The following AGBL4 variants were observed in gnomAD, a reference collection of about 807,000 sequenced individuals.
AGBL4 encodes the protein cytosolic carboxypeptidase 6.
A neutral mutation model predicts 66.4 loss-of-function variants in AGBL4; 58 were observed. The observed-to-expected ratio is 0.87, with a 90% CI of 0.71 to 1.09. The LOEUF (loss-of-function observed/expected upper bound fraction) is 1.09, where lower values mean the gene tolerates loss of function less well. AGBL4 is among the 50% of genes least tolerant of loss of function. The pLI is 0.00. For synonymous variants in AGBL4, 234 were observed against 222.9 expected, an observed-to-expected ratio of 1.05 and a Z score of -0.44; for missense variants, 579 against 631.0, an observed-to-expected ratio of 0.92 and a Z score of 0.88.
intron 6 of AGBL4, among the ~76,000 whole-genome samples, chr1:48,823,764 C>T (rs954602594): frequency 6.6e-6 from 1 of 152,210 alleles, no homozygotes; most frequent in African/African-American, 2.4e-5. Context: ...AAATATGGAA[C>T]AGAAGAGGTA....
intron 3 of AGBL4, among the ~76,000 whole-genome samples, chr1:49,626,768 A>C (rs2124332849): frequency 6.6e-6 from 1 of 152,200 alleles, no homozygotes; most frequent in African/African-American, 2.4e-5. Context: ...GAAAATATAT[A>C]GTGCCTTGTG....
chr1:49,557,289 C>T (rs950773599), intron 3 of AGBL4, among the ~76,000 whole-genome samples: 3 of 152,086 alleles, frequency 2.0e-5, no homozygotes, highest in Non-Finnish European at 4.4e-5. Context: ...TAACAACTAT[C>T]TACAAAAAAA....
At chr1:49,019,263 CA>C (rs1272491480) in intron 5 of AGBL4, among the ~76,000 whole-genome samples, 1 of 152,114 alleles carries the variant, frequency 6.6e-6, no homozygotes, top group Non-Finnish European at 1.5e-5. Context: ...AAGAGACTTC[CA>C]GGGGTTTCAG....
chr1:49,939,517 GGAACA>G (rs1654507784), intron 1 of AGBL4, among the ~76,000 whole-genome samples: 1 of 151,500 alleles, frequency 6.6e-6, no homozygotes, highest in Non-Finnish European at 1.5e-5. Flanking sequence ...ATAGATCAAT[GGAACA>G]GAACAGAGCC....
At chr1:49,767,716 CAAAG>C (rs976141742) in intron 2 of AGBL4, among the ~76,000 whole-genome samples, 28 of 151,884 alleles carry the variant, frequency 1.8e-4, no homozygotes, top group Admixed American at 7.9e-4. Context: ...GCTAGACTAA[CAAAG>C]AAAGAAGACA....
At chr1:49,157,317 G>A (rs1646452413) in intron 4 of AGBL4, among the ~76,000 whole-genome samples, 1 of 151,194 alleles carries the variant, frequency 6.6e-6, no homozygotes, top group Non-Finnish European at 1.5e-5. Flanking sequence ...CCACTTATGA[G>A]TGAGAACATG....
intron 5 of AGBL4, among the ~76,000 whole-genome samples, chr1:49,044,326 T>G (rs1354620477): frequency 6.6e-6 from 1 of 151,942 alleles, no homozygotes; most frequent in Non-Finnish European, 1.5e-5. Flanking sequence ...GGTGAAACAC[T>G]GTCTAATAAA....
At chr1:49,395,248 C>A (rs968953790) in intron 3 of AGBL4, among the ~76,000 whole-genome samples, 2 of 151,878 alleles carry the variant, frequency 1.3e-5, no homozygotes, top group African/African-American at 4.8e-5. Context: ...CTCATGGTAC[C>A]CTAGGCTATC....
chr1:49,000,997 C>T (rs1174947279), intron 5 of AGBL4, among the ~76,000 whole-genome samples: 5 of 152,084 alleles, frequency 3.3e-5, no homozygotes, highest in Admixed American at 6.5e-5. Flanking sequence ...GGTTGAGTGC[C>T]GGGCTCTTTC....
intron 3 of AGBL4, among the ~76,000 whole-genome samples, chr1:49,523,847 G>T (rs1027017217): frequency 6.6e-6 from 1 of 152,010 alleles, no homozygotes; most frequent in Non-Finnish European, 1.5e-5. Flanking sequence ...AAGTGGGTAG[G>T]GTTCATGCCT....
chr1:49,956,181 G>A (rs1428984775), intron 1 of AGBL4, among the ~76,000 whole-genome samples: 1 of 151,786 alleles, frequency 6.6e-6, no homozygotes, highest in African/African-American at 2.4e-5. Flanking sequence ...CAATTAGGAT[G>A]GAGAGATAAA....
At chr1:49,341,989 CTG>C (rs1268727683) in intron 3 of AGBL4, among the ~76,000 whole-genome samples, 1 of 152,154 alleles carries the variant, frequency 6.6e-6, no homozygotes, top group Non-Finnish European at 1.5e-5. Flanking sequence ...AATGGCTTCC[CTG>C]GTTTACTGGT....
chr1:48,674,495 G>C (rs1180876964), intron 6 of AGBL4, among the ~76,000 whole-genome samples: 3 of 142,134 alleles, frequency 2.1e-5, no homozygotes, highest in Non-Finnish European at 4.6e-5. Context: ...ACAGAATGCT[G>C]TAGGTGGGCT....
At chr1:49,575,440 C>T (rs1348999039) in intron 3 of AGBL4, among the ~76,000 whole-genome samples, 6 of 152,180 alleles carry the variant, frequency 3.9e-5, no homozygotes, top group Admixed American at 3.9e-4. Context: ...GCCATTAGAG[C>T]TGCCTCTACC....
chr1:48,928,163 G>A (rs976547983), intron 5 of AGBL4, among the ~76,000 whole-genome samples: 5 of 152,162 alleles, frequency 3.3e-5, no homozygotes, highest in Non-Finnish European at 5.9e-5. Flanking sequence ...GACAGGATGG[G>A]GAAGTCAGCA....
intron 4 of AGBL4, among the ~76,000 whole-genome samples, chr1:49,216,324 T>A (rs1330578366): frequency 6.6e-6 from 1 of 152,156 alleles, no homozygotes; most frequent in Non-Finnish European, 1.5e-5. Flanking sequence ...CATGGGTGTA[T>A]GCTAAGGTTT....
chr1:49,495,306 G>A (rs1647440324), intron 3 of AGBL4, among the ~76,000 whole-genome samples: 1 of 152,084 alleles, frequency 6.6e-6, no homozygotes, highest in African/African-American at 2.4e-5. Flanking sequence ...CAGTGGCCCT[G>A]AATGTGGCCC....
chr1:48,950,256 C>T (rs1169184462), intron 5 of AGBL4, among the ~76,000 whole-genome samples: 1 of 152,102 alleles, frequency 6.6e-6, no homozygotes. Context: ...GCCACCACAC[C>T]TGGCTAACTT....
At chr1:49,642,583 C>T (rs1645803970) in intron 3 of AGBL4, among the ~76,000 whole-genome samples, 1 of 151,916 alleles carries the variant, frequency 6.6e-6, no homozygotes, top group Non-Finnish European at 1.5e-5. Flanking sequence ...TGTGTGGAAA[C>T]TACCCTCAGA....
Sources: gnomAD v4.1 joint callset for allele counts (sites outside exome capture counted in the v4.1 genomes callset) on GRCh38, gnomAD v4.1.1 for gene constraint, MANE v1.5 for transcripts, NCBI Gene and HGNC (gene_info 2026-07-23, HGNC 2026-07-21) for gene names.